Variants in DNAH7 observed in about 807,000 individuals in gnomAD.
The protein encoded by DNAH7 is dynein axonemal heavy chain 7, also known as axonemal beta dynein heavy chain 7.
A neutral mutation model predicts 444.6 loss-of-function variants in DNAH7; 397 were observed. The ratio of observed to expected loss-of-function variants is 0.89; its 90% CI spans 0.82 to 0.97. DNAH7 has a LOEUF of 0.97. Among genes scored for constraint, DNAH7 ranks in the 50% least tolerant of loss-of-function variants. The probability of loss-of-function intolerance (pLI) is 0.00; values close to 1 mark genes in which losing one functional copy is unlikely to be tolerated. For missense variants in DNAH7, 4,902 were observed against 4,800.8 expected, an observed-to-expected ratio of 1.02 and a Z score of -0.62; for synonymous variants, 1,636 against 1,624.4, an observed-to-expected ratio of 1.01 and a Z score of -0.17.
chr2:195,782,599 CA>C (rs374269351), intron 58 of DNAH7, among the ~76,000 whole-genome samples: 3 of 150,916 alleles, frequency 2.0e-5, no homozygotes, highest in African/African-American at 4.9e-5. Flanking sequence ...CATTTTTTTC[CA>C]AAAAAAATCG....
intron 54 of DNAH7, among the ~76,000 whole-genome samples, chr2:195,802,554 A>G (rs1049993848): frequency 6.6e-6 from 1 of 152,136 alleles, no homozygotes; most frequent in Non-Finnish European, 1.5e-5. Flanking sequence ...CTGTAATCTC[A>G]GCTACTCAGG....
chr2:195,834,001 G>A (rs768568131), intron 48 of DNAH7, among the ~76,000 whole-genome samples: 4 of 152,138 alleles, frequency 2.6e-5, no homozygotes, highest in Admixed American at 6.5e-5. Context: ...GAGCCCAGGA[G>A]TTTGAGACCA....
chr2:195,895,203 G>C lies in DNAH7; in HGVS notation c.4669C>G (p.Pro1557Ala), dbSNP rs201744719. Residue 1557 changes from proline (P) to alanine (A), a missense_variant, in exon 30 of 65, where the codon CCT becomes GCT. Pro to Ala is a conservative substitution (Grantham distance 27). Transcript: ENST00000312428. Reference protein sequence around the residue: ...LFEGITSDLFPGVKLPKPDYN... With the variant: ...LFEGITSDLFAGVKLPKPDYN... ...TCTGGTTTTGGTAATTTTACCCCAG[G>C]AAACAAATCCGAAGTAATTCCCTGA... 7.5e-6 allele frequency: 12 copies of C among 1,607,896 alleles called. No individual in the cohort carries two copies. In the South Asian group the frequency reaches 1.2e-4, roughly 16 times the overall value.
At chr2:196,008,358 T>C (rs1694512538) in intron 10 of DNAH7, among the ~76,000 whole-genome samples, 1 of 152,128 alleles carries the variant, frequency 6.6e-6, no homozygotes, top group African/African-American at 2.4e-5. Flanking sequence ...TTATAGTCAC[T>C]TTGGAAAACA....
intron 48 of DNAH7, among the ~76,000 whole-genome samples, chr2:195,828,241 G>A (rs562511710): frequency 9.9e-5 from 15 of 152,226 alleles, no homozygotes; most frequent in Admixed American, 4.6e-4. Context: ...TAGTGTTACG[G>A]CTTAAATTAG....
In DNAH7 at chr2:195,872,478, T is replaced by A. The variant is rs1177087821; in HGVS notation, c.6414-9A>T. The A allele has an allele frequency of 6.4e-7, 1 of 1,552,536 alleles. No individual in the cohort carries two copies. The highest frequency in any genetic ancestry group is 8.7e-7 in the Non-Finnish European group (1 of 1,143,496). ...CATCTGGAAATTTATAACTTAAAAA[T>A]TTTTTAAATAAAAAGAAAGGAAAAT... On this transcript the variant is annotated splice_polypyrimidine_tract_variant and intron_variant, in intron 39 of 64. Coordinates refer to ENST00000312428, the MANE Select transcript of DNAH7 (RefSeq NM_018897.3).
Position 195,816,666 on chromosome 2 carries a change from A to T in DNAH7, c.9723T>A (p.Ser3241=). 2 of 1,613,486 alleles carry T rather than the reference A, an allele frequency of 1.2e-6. No individual in the cohort carries two copies. The highest frequency in any genetic ancestry group is 1.7e-6 in the Non-Finnish European group (2 of 1,179,796). The change falls in exon 51 of 65, where the codon TCT becomes TCA. Residue 3241 remains serine (S), a synonymous_variant. Coordinates refer to ENST00000312428, the MANE Select transcript of DNAH7 (RefSeq NM_018897.3). ...TTTCTGATTTCTCTGAATTTTCAATAGACAGGATGAAAAGGTTAATAAACC... is the reference window on the plus strand; with the variant it reads ...TTTCTGATTTCTCTGAATTTTCAATTGACAGGATGAAAAGGTTAATAAACC... The part of the protein sequence containing the change: ...LTWFINLFIL[S]IENSEKSEIL...
intron 48 of DNAH7, 25 bp from the exon 49 acceptor site, chr2:195,824,470 C>T: frequency 6.4e-7 from 1 of 1,561,984 alleles, no homozygotes; most frequent in Non-Finnish European, 8.7e-7. Flanking sequence ...GAAAAGATTT[C>T]ATGTTATTTT....
chr2:195,813,720 C>T (rs914525975), intron 51 of DNAH7, among the ~76,000 whole-genome samples: 2 of 152,120 alleles, frequency 1.3e-5, no homozygotes, highest in Non-Finnish European at 2.9e-5. Context: ...TTGTGATTGT[C>T]TCTGATTATG....
At chr2:196,007,810 G>C (rs988707022) in intron 10 of DNAH7, among the ~76,000 whole-genome samples, 1 of 152,126 alleles carries the variant, frequency 6.6e-6, no homozygotes. Context: ...GTGGAACTGT[G>C]AGCCAATTCA....
intron 54 of DNAH7, among the ~76,000 whole-genome samples, chr2:195,804,934 G>C (rs548903223): frequency 3.3e-4 from 50 of 152,146 alleles, no homozygotes; most frequent in Non-Finnish European, 3.5e-4. Context: ...ACTAGGCAAA[G>C]TAGCTGAAAG....
intron 51 of DNAH7, among the ~76,000 whole-genome samples, chr2:195,815,961 C>T (rs2124885477): frequency 6.6e-6 from 1 of 152,326 alleles, no homozygotes; most frequent in East Asian, 1.9e-4. Context: ...CACTGCACTC[C>T]TGCCTGGGCG....
chr2:195,956,822 T>C (rs999262149), intron 19 of DNAH7, among the ~76,000 whole-genome samples: 2 of 152,192 alleles, frequency 1.3e-5, no homozygotes, highest in Non-Finnish European at 2.9e-5. Context: ...TTTAGATATA[T>C]TTATCCTTGC....
At chr2:195,861,992 C>G (rs1700043317) in intron 41 of DNAH7, 46 bp from the exon 42 acceptor site, 13 of 1,433,948 alleles carry the variant, frequency 9.1e-6, no homozygotes, top group Middle Eastern at 1.7e-4. Context: ...GATTACGAAT[C>G]TGGATCTGCT....
intron 28 of DNAH7, 51 bp from the exon 29 acceptor site, chr2:195,897,816 C>T (rs1574703775): frequency 9.2e-7 from 1 of 1,086,250 alleles, no homozygotes; most frequent in South Asian, 1.5e-5. Flanking sequence ...CCTAACAGCA[C>T]CTACCCGCTT....
At chr2:195,819,588 A>G (rs1256572201) in intron 49 of DNAH7, among the ~76,000 whole-genome samples, 2 of 152,160 alleles carry the variant, frequency 1.3e-5, no homozygotes, top group Admixed American at 1.3e-4. Flanking sequence ...CTGCCCTCAA[A>G]AAGTTTTCAT....
chr2:195,954,617 T>C (rs1215940181), intron 19 of DNAH7, among the ~76,000 whole-genome samples: 3 of 152,232 alleles, frequency 2.0e-5, no homozygotes, highest in Admixed American at 6.5e-5. Flanking sequence ...TCTTCCACAA[T>C]GGTTGAACTA....
chr2:195,775,850 G>A lies in DNAH7; in HGVS notation c.11198C>T (p.Thr3733Ile). ...TQLLFDNILLTQSRSAGAGAK... is the reference protein window; with the variant it reads ...TQLLFDNILLIQSRSAGAGAK... ...GGTCCTATACAGATCACACACCTGTGTAAGAAGAATGTTATCAAATAGCAG... is the reference window on the plus strand; with the variant it reads ...GGTCCTATACAGATCACACACCTGTATAAGAAGAATGTTATCAAATAGCAG... The change falls in exon 60 of 65, where the codon ACA becomes ATA. Residue 3733 changes from threonine to isoleucine, a missense_variant. Physicochemically the swap from Thr to Ile is moderately conservative, Grantham distance 89 (BLOSUM62 -1). Coordinates refer to ENST00000312428, the MANE Select transcript of DNAH7 (RefSeq NM_018897.3). 1 of 1,613,956 alleles carries A rather than the reference G, an allele frequency of 6.2e-7. No homozygotes were observed. Among genetic ancestry groups the A allele is most frequent in the Non-Finnish European group, 8.5e-7 (1 of 1,179,928 alleles).
chr2:195,887,079 C>G (rs1320310267), intron 33 of DNAH7, among the ~76,000 whole-genome samples: 2 of 152,100 alleles, frequency 1.3e-5, no homozygotes, highest in Non-Finnish European at 2.9e-5. Flanking sequence ...ACAAATAAAA[C>G]AGATACTTAT....
Sources: allele counts gnomAD v4.1 joint callset (sites outside exome capture counted in the v4.1 genomes callset), GRCh38; gene constraint gnomAD v4.1.1; transcripts MANE v1.5; gene names NCBI Gene and HGNC (gene_info 2026-07-23, HGNC 2026-07-21).